The following KIF13A variants were observed in gnomAD, a reference collection of about 807,000 sequenced individuals.
KIF13A encodes kinesin family member 13A.
KIF13A carries 79 observed loss-of-function variants against 212.2 expected under a neutral mutation model. That is an observed-to-expected ratio of 0.37 (90% CI 0.31 to 0.45). The LOEUF (loss-of-function observed/expected upper bound fraction) is 0.45, where lower values mean the gene tolerates loss of function less well. KIF13A is among the 20% of genes least tolerant of loss of function. KIF13A has a pLI of 1.00. For synonymous variants in KIF13A, 789 were observed against 808.6 expected, an observed-to-expected ratio of 0.98 and a Z score of 0.41; for missense variants, 1,901 against 2,209.0, an observed-to-expected ratio of 0.86 and a Z score of 2.79.
At chr6:17,930,081 G>C (rs1400375280) in intron 2 of KIF13A, among the ~76,000 whole-genome samples, 2 of 152,206 alleles carry the variant, frequency 1.3e-5, no homozygotes, top group African/African-American at 4.8e-5. Context: ...CATTTGTGAA[G>C]TGTATTATCC....
chr6:17,856,058 A>G lies in KIF13A; in HGVS notation c.285T>C (p.Asn95=). Residue 95 remains asparagine (N), a synonymous_variant, in exon 5 of 39, where the codon AAT becomes AAC. Transcript: ENST00000259711. This position sits in a 1 kb window ranked among gnomAD's most constrained non-coding sequence, Gnocchi z 4.5. The part of the protein sequence containing the change: ...GILEKAFQGY[N]ACIFAYGQTG... ...TCTGTCCATATGCAAAAATACACGC[A>G]TTATACCCCTGAAAGGCTTTTTCAA... The G allele has an allele frequency of 6.2e-7, 1 of 1,613,540 alleles. No individual in the cohort carries two copies. Among genetic ancestry groups the G allele is most frequent in the Non-Finnish European group, 8.5e-7 (1 of 1,179,526 alleles).
chr6:17,782,975 T>G (rs975510770), intron 29 of KIF13A, among the ~76,000 whole-genome samples: 1 of 152,182 alleles, frequency 6.6e-6, no homozygotes, highest in Non-Finnish European at 1.5e-5. Flanking sequence ...ATTCTTCACA[T>G]GAAGAGCCAA....
In KIF13A at chr6:17,825,983, A is replaced by T; in HGVS notation, c.1620-49T>A. On this transcript the variant is annotated intron_variant, in intron 15 of 38. Coordinates refer to ENST00000259711, the MANE Select transcript of KIF13A (RefSeq NM_022113.6). This position sits in a 1 kb window ranked among gnomAD's most constrained non-coding sequence, Gnocchi z 4.5. ...GAAAATCAACTTGTTTTACACTTAA[A>T]TAGATAACAGAAAAAATGTATACGA... 6.2e-7 allele frequency: 1 copy of T among 1,610,862 alleles called. No homozygotes were observed. Among genetic ancestry groups the T allele is most frequent in the African/African-American group, 1.3e-5 (1 of 74,930 alleles).
At chr6:17,927,671 A>G (rs1775606269) in intron 2 of KIF13A, among the ~76,000 whole-genome samples, 1 of 152,256 alleles carries the variant, frequency 6.6e-6, no homozygotes, top group Admixed American at 6.5e-5. Context: ...GATCAATTTT[A>G]AGTATATTTT....
At chr6:17,916,007 T>C (rs1364122211) in intron 2 of KIF13A, among the ~76,000 whole-genome samples, 2 of 152,052 alleles carry the variant, frequency 1.3e-5, no homozygotes, top group Non-Finnish European at 2.9e-5. Flanking sequence ...CCATGTCTAT[T>C]ACAAATGAGA....
chr6:17,844,788 A>T (rs1766857656), intron 9 of KIF13A, among the ~76,000 whole-genome samples: 1 of 152,210 alleles, frequency 6.6e-6, no homozygotes, highest in African/African-American at 2.4e-5. Context: ...GTAATGTACA[A>T]GTCATAAATT....
chr6:17,965,387 GATGA>G (rs1779214544), intron 2 of KIF13A, among the ~76,000 whole-genome samples: 1 of 152,152 alleles, frequency 6.6e-6, no homozygotes, highest in Admixed American at 6.5e-5. Flanking sequence ...CATAGGTAGA[GATGA>G]ATAAGGCTTT....
At chr6:17,894,385 G>A (rs1052830494) in intron 3 of KIF13A, among the ~76,000 whole-genome samples, 3 of 152,126 alleles carry the variant, frequency 2.0e-5, no homozygotes, top group Non-Finnish European at 4.4e-5. Context: ...TCCCAAGGCC[G>A]GGGATCACAG....
rs1433165070 is a variant in KIF13A, at chr6:17,856,335, C to G, written c.221-213G>C. On this transcript the variant is annotated intron_variant, in intron 4 of 38. Coordinates refer to ENST00000259711, the MANE Select transcript of KIF13A (RefSeq NM_022113.6). This position sits in a 1 kb window ranked among gnomAD's most constrained non-coding sequence, Gnocchi z 4.5. ...CAGTACCTGGATACACTGTTTCCCT[C>G]TAAGACACTTCTCTAGATATTAAAG... 6.6e-6 allele frequency among the ~76,000 whole-genome samples: 1 copy of G among 152,178 alleles called. No individual in the cohort carries two copies. The highest frequency in any genetic ancestry group is 6.5e-5 in the Admixed American group (1 of 15,274).
intron 3 of KIF13A, among the ~76,000 whole-genome samples, chr6:17,893,175 A>G (rs1274179853): frequency 6.6e-6 from 1 of 152,178 alleles, no homozygotes; most frequent in Non-Finnish European, 1.5e-5. Flanking sequence ...TGGTGTCAAG[A>G]GTGCTGTGGG....
At chr6:17,801,329 TA>T (rs1430953821) in intron 20 of KIF13A, among the ~76,000 whole-genome samples, 2 of 151,360 alleles carry the variant, frequency 1.3e-5, no homozygotes, top group Non-Finnish European at 2.9e-5. Context: ...CTGTCTCTAC[TA>T]AAAATACAAA....
chr6:17,842,841 C>A (rs933057836), intron 9 of KIF13A, among the ~76,000 whole-genome samples: 1 of 151,246 alleles, frequency 6.6e-6, no homozygotes, highest in East Asian at 1.9e-4. Flanking sequence ...TGAGAAAAAA[C>A]CGAGTTATAA....
At chr6:17,779,241 ATATATATATATATATATTTTTTTTTTTTT>A in intron 32 of KIF13A, 142 bp from the exon 33 acceptor site, 4 of 138,148 alleles carry the variant, frequency 2.9e-5, no homozygotes, top group Non-Finnish European at 4.7e-5. Flanking sequence ...AGTAGCATAT[ATATATATATATATATATTTTTTTTTTTTT>A]TTTTTTTTTT....
At chr6:17,966,199 A>C (rs1779292715) in intron 2 of KIF13A, among the ~76,000 whole-genome samples, 1 of 152,232 alleles carries the variant, frequency 6.6e-6, no homozygotes, top group Non-Finnish European at 1.5e-5. Context: ...GTCTCAAAAC[A>C]AACCAAAAGT....
chr6:17,975,245 C>T (rs376601773), intron 2 of KIF13A, among the ~76,000 whole-genome samples: 1 of 152,144 alleles, frequency 6.6e-6, no homozygotes, highest in Non-Finnish European at 1.5e-5. Flanking sequence ...CCCAGCTACT[C>T]GGAAGGCTCA....
chr6:17,837,027 AG>A lies in KIF13A; in HGVS notation c.1005del (p.Tyr336MetfsTer8), dbSNP rs747216328. On this transcript the variant is annotated frameshift_variant, in exon 11 of 39. Transcript: ENST00000259711. LOFTEE classifies it high-confidence loss of function. The surrounding 1 kb of genome is among the most constrained non-coding windows in gnomAD (Gnocchi z 5.4). ...CTTAATGTGGAGAGGGTCTCTTCATAGTTGTCTGCGGCTGGGCTGATTGTGG... is the reference window on the plus strand; with the variant it reads ...CTTAATGTGGAGAGGGTCTCTTCATATTGTCTGCGGCTGGGCTGATTGTGG... Reference protein sequence around the residue: ...MIATISPAADNYEETLSTLRY... With the variant: ...MIATISPAADXYEETLSTLRY... The A allele has an allele frequency of 6.2e-7, 1 of 1,613,946 alleles. No homozygotes were observed. Among genetic ancestry groups the A allele is most frequent in the Non-Finnish European group, 8.5e-7 (1 of 1,179,882 alleles).
Position 17,947,080 on chromosome 6 carries a change from AT to A in KIF13A, c.146+39973del, listed in dbSNP as rs1357015285. Among the ~76,000 whole-genome samples the A allele has an allele frequency of 6.6e-6, 1 of 152,256 alleles. No individual in the cohort carries two copies. Among genetic ancestry groups the A allele is most frequent in the African/African-American group, 2.4e-5 (1 of 41,482 alleles). On this transcript the variant is annotated intron_variant, in intron 2 of 38. Transcript: ENST00000259711. The surrounding 1 kb of genome is among the most constrained non-coding windows in gnomAD (Gnocchi z 4.6). ...TGTGACGAAAAGTTCAAAAAGTAGC[AT>A]TCCATTTACAAAAATATTAAAACCA...
At position 17,764,597 on chromosome 6, in the gene KIF13A, A is replaced by G; in HGVS notation, c.4931T>C (p.Phe1644Ser). The change falls in exon 39 of 39, where the codon TTC (phenylalanine) becomes TCC (serine). Residue 1644 changes from phenylalanine (F) to serine (S), a missense_variant. By Grantham distance (155) the Phe-to-Ser change is radical. Transcript: ENST00000259711. This position sits in a 1 kb window ranked among gnomAD's most constrained non-coding sequence, Gnocchi z 5.1. The part of the protein sequence containing the change: ...EHSTPSLVHD[F>S]RPSSNKELTE... The stretch of plus-strand genomic sequence containing the variant: ...CAACTCTTTGTTTGAGGACGGCCTG[A>G]AATCATGCACAAGCGATGGTGTGGA... 1 of 1,613,906 alleles carries G rather than the reference A, an allele frequency of 6.2e-7. No homozygotes were observed. The highest frequency in any genetic ancestry group is 8.5e-7 in the Non-Finnish European group (1 of 1,179,878).
intron 2 of KIF13A, among the ~76,000 whole-genome samples, chr6:17,908,518 C>T (rs1009947205): frequency 1.3e-5 from 2 of 152,034 alleles, no homozygotes; most frequent in Admixed American, 6.6e-5. Context: ...GTGGGAGGAT[C>T]GCTTGAGCCC....
Sources: gnomAD v4.1 joint callset for allele counts (sites outside exome capture counted in the v4.1 genomes callset) on GRCh38, gnomAD v4.1.1 for gene constraint, Gnocchi (gnomAD v3.1) non-coding constraint, MANE v1.5 for transcripts, NCBI Gene and HGNC (gene_info 2026-07-23, HGNC 2026-07-21) for gene names.